The following NAV2 variants were observed in gnomAD, a reference collection of about 807,000 sequenced individuals.
NAV2 encodes neuron navigator 2, also known as helicase, APC down-regulated 1.
In NAV2, 54 loss-of-function variants were observed where a neutral mutation model predicts 223.2. The ratio of observed to expected loss-of-function variants is 0.24; its 90% CI spans 0.19 to 0.30. The LOEUF (loss-of-function observed/expected upper bound fraction) is 0.30. Ranked by LOEUF, NAV2 falls within the 10% of genes least tolerant of loss-of-function variation. The pLI is 1.00. For missense variants in NAV2, 2,806 were observed against 3,147.5 expected (o/e 0.89, Z 2.60); for synonymous variants, 1,279 against 1,239.3 (o/e 1.03, Z -0.67).
intron 1 of NAV2, among the ~76,000 whole-genome samples, chr11:19,479,483 G>A (rs530482711): frequency 6.6e-6 from 1 of 152,004 alleles, no homozygotes; most frequent in Non-Finnish European, 1.5e-5. Context: ...TCCATAAACC[G>A]TCCTGTTAAT....
chr11:19,777,025 T>C (rs1357628457), intron 1 of NAV2, among the ~76,000 whole-genome samples: 1 of 151,324 alleles, frequency 6.6e-6, no homozygotes, highest in Non-Finnish European at 1.5e-5. Context: ...AAGGGCCCAC[T>C]GAAGCGCCGG....
In NAV2 at chr11:20,083,149, C is replaced by G; in HGVS notation, c.5468C>G (p.Pro1823Arg). ...LPHNGSTGST[P>R]LLRNSHSNSL... ...CACAATGGGTCCACAGGTTCCACCC[C>G]ACTGCTGAGGAATTCTCACTCCAAC... The change falls in exon 26 of 38, where the codon CCA becomes CGA. Residue 1823 changes from proline to arginine, a missense_variant. By Grantham distance (103) the Pro-to-Arg change is moderately radical. Transcript: ENST00000349880. The G allele has an allele frequency of 6.2e-7, 1 of 1,613,744 alleles. No individual in the cohort carries two copies. The highest frequency in any genetic ancestry group is 1.7e-5 in the Admixed American group (1 of 60,002).
intron 1 of NAV2, among the ~76,000 whole-genome samples, chr11:19,828,704 G>A (rs1340039096): frequency 1.3e-5 from 2 of 152,180 alleles, no homozygotes; most frequent in African/African-American, 4.8e-5. Flanking sequence ...TGCCCAGGAT[G>A]GTCTTGAACT....
intron 1 of NAV2, among the ~76,000 whole-genome samples, chr11:19,818,621 A>G (rs1296096279): frequency 1.3e-5 from 2 of 152,206 alleles, no homozygotes; most frequent in African/African-American, 4.8e-5. Flanking sequence ...TCCAAAATTT[A>G]CTGAAAATGT....
intron 1 of NAV2, among the ~76,000 whole-genome samples, chr11:19,570,726 G>A (rs1017500382): frequency 6.6e-6 from 1 of 152,130 alleles, no homozygotes; most frequent in Non-Finnish European, 1.5e-5. Context: ...AGTCAAAACC[G>A]CCATGAAATA....
intron 11 of NAV2, among the ~76,000 whole-genome samples, chr11:19,999,664 C>G (rs2052347724): frequency 6.6e-6 from 1 of 152,198 alleles, no homozygotes; most frequent in Non-Finnish European, 1.5e-5. Context: ...AGTCACCGCA[C>G]TGGGCCAGGA....
At chr11:19,604,076 G>A (rs1489723320) in intron 1 of NAV2, among the ~76,000 whole-genome samples, 2 of 152,010 alleles carry the variant, frequency 1.3e-5, no homozygotes, top group African/African-American at 4.8e-5. Context: ...GAGAGGCAGT[G>A]GGCTGTATCA....
rs528320274 is a variant in NAV2, at chr11:19,717,832, G to A, written c.267+3870G>A. On this transcript the variant is annotated intron_variant, in intron 1 of 37. Transcript: ENST00000349880. ...AATATTCAACGTGGTAGTTACAGGG[G>A]AAAGGAGGCTATTCTGACACCTTGT... 4.0e-4 allele frequency among the ~76,000 whole-genome samples: 61 copies of A among 152,306 alleles called. 1 individual carries two copies. Among genetic ancestry groups the A allele is most frequent in the Admixed American group, 2.9e-3 (45 of 15,306 alleles).
Position 20,056,729 on chromosome 11 carries a change from A to G in NAV2, c.4831+772A>G, listed in dbSNP as rs868705922. On this transcript the variant is annotated intron_variant, in intron 19 of 37. Transcript: ENST00000349880. ...CAATGCTCATTAACCAATGATAAGA[A>G]TAGGAGTCAGACTAGCAGAGTTTAA... The G allele has an allele frequency of 4.6e-5, 36 of 779,114 alleles. No individual in the cohort carries two copies. In the Middle Eastern group the frequency reaches 1.3e-3, roughly 29 times the overall value. 48.3% of individuals were successfully genotyped at this position (779,114 alleles called of 1,614,324 possible).
At chr11:19,804,639 G>A (rs2058448373) in intron 1 of NAV2, among the ~76,000 whole-genome samples, 1 of 152,178 alleles carries the variant, frequency 6.6e-6, no homozygotes. Context: ...CCAGTCTTCT[G>A]TCTGTCCTTC....
chr11:19,778,506 CA>C (rs1169351451), intron 1 of NAV2, among the ~76,000 whole-genome samples: 1 of 149,930 alleles, frequency 6.7e-6, no homozygotes, highest in Non-Finnish European at 1.5e-5. Flanking sequence ...AAAACAAAAA[CA>C]AAAACAAAAA....
intron 1 of NAV2, among the ~76,000 whole-genome samples, chr11:19,702,887 T>G (rs949763194): frequency 6.7e-6 from 1 of 149,186 alleles, no homozygotes; most frequent in Non-Finnish European, 1.5e-5. Context: ...AAAAAGGAAA[T>G]CCCATGGAAA....
At chr11:19,452,872 A>T (rs1851836839) in intron 1 of NAV2, among the ~76,000 whole-genome samples, 1 of 152,224 alleles carries the variant, frequency 6.6e-6, no homozygotes, top group African/African-American at 2.4e-5. Flanking sequence ...TTCGACTTTC[A>T]TAATAACAAT....
chr11:19,815,854 T>C (rs974689042), intron 1 of NAV2, among the ~76,000 whole-genome samples: 1 of 152,206 alleles, frequency 6.6e-6, no homozygotes, highest in African/African-American at 2.4e-5. Flanking sequence ...TTATAAATGG[T>C]AAGCACTGCA....
intron 6 of NAV2, among the ~76,000 whole-genome samples, chr11:19,920,874 A>T (rs1009256200): frequency 6.6e-6 from 1 of 152,168 alleles, no homozygotes; most frequent in Non-Finnish European, 1.5e-5. Context: ...GCCTTACAAA[A>T]AATTGTTAGG....
chr11:19,938,523 T>C (rs752413988), intron 7 of NAV2, among the ~76,000 whole-genome samples: 3 of 152,244 alleles, frequency 2.0e-5, no homozygotes, highest in Non-Finnish European at 2.9e-5. Context: ...CAGATATTTA[T>C]TGTGAAATAT....
intron 3 of NAV2, among the ~76,000 whole-genome samples, chr11:19,853,458 C>A (rs961840568): frequency 3.9e-5 from 6 of 152,216 alleles, no homozygotes; most frequent in African/African-American, 1.4e-4. Context: ...TTTGAATGAG[C>A]CTCAACACAA....
chr11:19,603,528 G>A (rs931821022), intron 1 of NAV2, among the ~76,000 whole-genome samples: 7 of 151,266 alleles, frequency 4.6e-5, no homozygotes, highest in African/African-American at 1.7e-4. Flanking sequence ...TTGGGAGGCA[G>A]AGGCAGGAGG....
At chr11:19,645,263 C>T (rs1409713615) in intron 1 of NAV2, among the ~76,000 whole-genome samples, 2 of 152,168 alleles carry the variant, frequency 1.3e-5, no homozygotes, top group Non-Finnish European at 2.9e-5. Context: ...TTGAGCCTCC[C>T]TCATGCTGCA....
Sources: allele counts gnomAD v4.1 joint callset (sites outside exome capture counted in the v4.1 genomes callset), GRCh38; gene constraint gnomAD v4.1.1; transcripts MANE v1.5; gene names NCBI Gene and HGNC (gene_info 2026-07-23, HGNC 2026-07-21).